Variants in SRSF11 observed in about 807,000 individuals in gnomAD.
SRSF11 encodes serine and arginine rich splicing factor 11.
In SRSF11, 9 loss-of-function variants were observed where a neutral mutation model predicts 56.0. The observed-to-expected ratio is 0.16, with a 90% CI of 0.10 to 0.28. The LOEUF (loss-of-function observed/expected upper bound fraction) is 0.28, where lower values mean the gene tolerates loss of function less well. SRSF11 is among the 10% of genes least tolerant of loss of function. The pLI is 1.00. For synonymous variants in SRSF11, 222 were observed against 215.3 expected (o/e 1.03, Z -0.27); for missense variants, 421 against 600.7 (o/e 0.70, Z 3.13).
At chr1:70,236,349 T>G (rs1185627169) in intron 5 of SRSF11, among the ~76,000 whole-genome samples, 8 of 149,532 alleles carry the variant, frequency 5.4e-5, no homozygotes, top group African/African-American at 2.0e-4. Flanking sequence ...TTTTTTTTTT[T>G]GAGACGAGTC....
chr1:70,214,063 A>G (rs1669796507), intron 1 of SRSF11, among the ~76,000 whole-genome samples: 1 of 152,210 alleles, frequency 6.6e-6, no homozygotes, highest in African/African-American at 2.4e-5. Flanking sequence ...CATGGGGGAA[A>G]AAAACATAAA....
chr1:70,241,415 C>G (rs964507408), intron 7 of SRSF11, among the ~76,000 whole-genome samples: 1 of 152,134 alleles, frequency 6.6e-6, no homozygotes, highest in Non-Finnish European at 1.5e-5. Flanking sequence ...TATGCTATGT[C>G]TGTTTATTCC....
chr1:70,226,705 C>G (rs1171433924), intron 1 of SRSF11, among the ~76,000 whole-genome samples: 1 of 152,120 alleles, frequency 6.6e-6, no homozygotes, highest in Non-Finnish European at 1.5e-5. Context: ...ACATGGATGT[C>G]AGCAAAGAAA....
At chr1:70,205,848 A>G in intron 1 of SRSF11, 1 of 239,722 alleles carries the variant, frequency 4.2e-6, no homozygotes, top group Non-Finnish European at 8.0e-6. Context: ...TGCGACTCCA[A>G]CCTTCTCCTC....
At chr1:70,210,997 A>C (rs987510431) in intron 1 of SRSF11, among the ~76,000 whole-genome samples, 1 of 152,194 alleles carries the variant, frequency 6.6e-6, no homozygotes, top group Non-Finnish European at 1.5e-5. Flanking sequence ...AAGCAGTATA[A>C]TATTGAGATT....
At chr1:70,208,552 G>A (rs1022643201) in intron 1 of SRSF11, among the ~76,000 whole-genome samples, 1 of 152,092 alleles carries the variant, frequency 6.6e-6, no homozygotes, top group Non-Finnish European at 1.5e-5. Flanking sequence ...TGGCCAGATT[G>A]GTCTCAAACT....
intron 1 of SRSF11, among the ~76,000 whole-genome samples, chr1:70,226,155 C>T (rs769549058): frequency 6.6e-6 from 1 of 151,410 alleles, no homozygotes; most frequent in Non-Finnish European, 1.5e-5. Flanking sequence ...CGTGCCATTG[C>T]GCTCCAGCCT....
chr1:70,234,701 C>T lies in SRSF11; in HGVS notation c.453C>T (p.Gly151=), dbSNP rs1216499253. Residue 151 remains glycine (G), a synonymous_variant, in exon 4 of 12, where the codon GGC becomes GGT. Coordinates refer to ENST00000370949, the MANE Select transcript of SRSF11 (RefSeq NM_001350605.2). ...LPTPNPLTQI[G]AVPLAALGAP... is the part of the protein sequence containing the mutation. ...TAAAATTTGCCATTTCACAGATTGG[C>T]GCTGTTCCACTGGCTGCTTTGGGGG... 5 of 1,603,036 alleles carry T rather than the reference C, an allele frequency of 3.1e-6. No homozygotes were observed. In the East Asian group the frequency reaches 6.7e-5, roughly 22 times the overall value.
chr1:70,241,453 A>C (rs573583429), intron 7 of SRSF11, among the ~76,000 whole-genome samples: 58 of 152,170 alleles, frequency 3.8e-4, no homozygotes, highest in Non-Finnish European at 7.9e-4. Context: ...CCACTGTCTT[A>C]TTCTTAGAGT....
intron 7 of SRSF11, among the ~76,000 whole-genome samples, chr1:70,240,684 T>C (rs955815202): frequency 1.4e-4 from 21 of 152,272 alleles, no homozygotes; most frequent in Middle Eastern, 3.4e-3. Context: ...CCCTTTAGGA[T>C]TGACATTCAG....
At chr1:70,247,524 T>G (rs570379210) in intron 9 of SRSF11, among the ~76,000 whole-genome samples, 2 of 152,154 alleles carry the variant, frequency 1.3e-5, no homozygotes, top group South Asian at 4.1e-4. Context: ...TTAAATTCAC[T>G]AGGAGAAGGT....
At chr1:70,231,560 T>G (rs1312836461) in intron 2 of SRSF11, 4 of 1,092,582 alleles carry the variant, frequency 3.7e-6, no homozygotes, top group Non-Finnish European at 3.4e-6. Context: ...AGCATTTTAC[T>G]GTACAGGTAA....
chr1:70,246,888 C>T lies in SRSF11; in HGVS notation c.1003C>T (p.Arg335Cys), dbSNP rs765645510. The change falls in exon 9 of 12, where the codon CGT becomes TGT. Residue 335 changes from arginine (R) to cysteine (C), a missense_variant. Around this residue, in one of 2 missense-constraint regions of SRSF11, gnomAD observed 253 missense variants for 305.8 expected, o/e 0.83. Transcript: ENST00000370949. Reference sequence around the variant, plus strand: ...ACCAAAAAGTTACAGCACAGCCAGACGTTCTAGAAGTGCAAGCAGGTAAGG... The same window carrying T: ...ACCAAAAAGTTACAGCACAGCCAGATGTTCTAGAAGTGCAAGCAGGTAAGG... ...TPPKSYSTAR[R>C]SRSASRERRR... 6.8e-6 allele frequency: 11 copies of T among 1,608,410 alleles called. No homozygotes were observed. Among genetic ancestry groups the T allele is most frequent in the South Asian group, 4.5e-5 (4 of 89,620 alleles).
chr1:70,215,158 A>T (rs889737936), intron 1 of SRSF11, among the ~76,000 whole-genome samples: 1 of 152,130 alleles, frequency 6.6e-6, no homozygotes, highest in African/African-American at 2.4e-5. Context: ...TTGGCCTCCC[A>T]AAGTGCTGGG....
intron 2 of SRSF11, chr1:70,230,872 G>A (rs1672729952): frequency 3.4e-6 from 4 of 1,173,098 alleles, no homozygotes; most frequent in Non-Finnish European, 4.3e-6. Flanking sequence ...ATCTTTGTAG[G>A]TTTGTTAATA....
At chr1:70,242,400 A>G (rs1477466183) in intron 7 of SRSF11, among the ~76,000 whole-genome samples, 1 of 151,088 alleles carries the variant, frequency 6.6e-6, no homozygotes, top group Non-Finnish European at 1.5e-5. Flanking sequence ...GGCTCAAGCC[A>G]TCCTCCCACC....
At chr1:70,234,667 TTAAA>T (rs750688318) in intron 3 of SRSF11, 25 bp from the exon 4 acceptor site, 2 of 1,566,586 alleles carry the variant, frequency 1.3e-6, no homozygotes, top group East Asian at 4.5e-5. Context: ...AAATGAAGTT[TTAAA>T]TAAATAAAAT....
intron 2 of SRSF11, chr1:70,229,843 G>A (rs770981570): frequency 4.1e-6 from 4 of 983,558 alleles, no homozygotes; most frequent in Non-Finnish European, 4.8e-6. Flanking sequence ...TAGTACCTCT[G>A]TCTCCATGAT....
In SRSF11 at chr1:70,221,962, G is replaced by A. The variant is rs551182273; in HGVS notation, c.203+123G>A. The A allele has an allele frequency of 4.4e-4, 637 of 1,460,706 alleles. 1 individual carries two copies. In the East Asian group the frequency reaches 5.5e-3, roughly 13 times the overall value. The allele number at this position is 1,460,706 out of a possible 1,614,324, so 90.5% of individuals were successfully genotyped here. ...CAGGCTGCTTGAGTGGCTGGTGGCT[G>A]GTGGATTTACTTAAGACGGTTGTGT... On this transcript the variant is annotated intron_variant, in intron 1 of 11. Transcript: ENST00000370949.
Sources: gnomAD v4.1 joint callset for allele counts (sites outside exome capture counted in the v4.1 genomes callset) on GRCh38, gnomAD v4.1.1 for gene constraint, gnomAD v4.1.1 regional missense constraint, MANE v1.5 for transcripts, NCBI Gene and HGNC (gene_info 2026-07-23, HGNC 2026-07-21) for gene names.